The following CMSS1 variants were observed in gnomAD, a reference collection of about 807,000 sequenced individuals.
CMSS1 encodes the protein cms1 ribosomal small subunit homolog, also known as protein CMSS1.
CMSS1 carries 33 observed loss-of-function variants against 43.5 expected under a neutral mutation model. The ratio of observed to expected loss-of-function variants is 0.76; its 90% CI spans 0.57 to 1.01. CMSS1 has a LOEUF of 1.01. Among genes scored for constraint, CMSS1 ranks in the 50% least tolerant of loss-of-function variants. The probability of loss-of-function intolerance (pLI) is 0.00; values close to 1 mark genes in which losing one functional copy is unlikely to be tolerated. For missense variants in CMSS1, 313 were observed against 326.4 expected, an observed-to-expected ratio of 0.96 and a Z score of 0.32; for synonymous variants, 115 against 117.2, an observed-to-expected ratio of 0.98 and a Z score of 0.12.
At position 99,938,698 on chromosome 3, in the gene CMSS1, T is replaced by C. The variant is rs148256713; in HGVS notation, c.64+120655T>C. Among the ~76,000 whole-genome samples the C allele has an allele frequency of 3.7e-3, 560 of 152,306 alleles. 1 individual carries two copies. The highest frequency in any genetic ancestry group is 0.013 in the African/African-American group (532 of 41,546). The stretch of plus-strand genomic sequence containing the variant: ...GGCCCCTTTAATATTAACTGACTTA[T>C]GGTAAATGTGATTCATCTATGAAAA... On this transcript the variant is annotated intron_variant, in intron 1 of 9. Transcript: ENST00000421999.
intron 1 of CMSS1, among the ~76,000 whole-genome samples, chr3:99,969,024 A>G (rs1300857618): frequency 6.6e-6 from 1 of 152,298 alleles, no homozygotes; most frequent in East Asian, 1.9e-4. Context: ...TAGAGGAAAG[A>G]GTAAATAGGC....
intron 1 of CMSS1, among the ~76,000 whole-genome samples, chr3:100,006,388 C>G (rs1709986140): frequency 6.6e-6 from 1 of 152,118 alleles, no homozygotes. Flanking sequence ...TTGCCAACAG[C>G]CTTTTTTCCT....
At chr3:99,905,940 C>T (rs949001235) in intron 1 of CMSS1, among the ~76,000 whole-genome samples, 1 of 152,140 alleles carries the variant, frequency 6.6e-6, no homozygotes, top group African/African-American at 2.4e-5. Context: ...TGCTTGTAGT[C>T]CCAGCAGTTT....
intron 1 of CMSS1, among the ~76,000 whole-genome samples, chr3:100,095,924 GA>G (rs1329165893): frequency 1.3e-5 from 2 of 151,758 alleles, no homozygotes; most frequent in South Asian, 2.1e-4. Flanking sequence ...AACTACATAA[GA>G]AAAAAATGAA....
At chr3:100,077,128 A>G (rs1186006249) in intron 1 of CMSS1, among the ~76,000 whole-genome samples, 1 of 152,214 alleles carries the variant, frequency 6.6e-6, no homozygotes, top group Admixed American at 6.5e-5. Context: ...GTCCTTTGAA[A>G]GAAGAGTGGA....
chr3:99,928,005 T>C (rs1559691480), intron 1 of CMSS1, among the ~76,000 whole-genome samples: 1 of 152,304 alleles, frequency 6.6e-6, no homozygotes, highest in East Asian at 1.9e-4. Context: ...ATGATTGAGA[T>C]TTTTTAGGTT....
intron 1 of CMSS1, among the ~76,000 whole-genome samples, chr3:100,117,825 G>GTATATATATATATA (rs1166983737): frequency 1.3e-5 from 1 of 75,140 alleles, no homozygotes; most frequent in African/African-American, 6.2e-5. Flanking sequence ...ATAAACTGCA[G>GTATATATATATATA]TATATATATA....
intron 9 of CMSS1, 32 bp from the exon 10 acceptor site, chr3:100,178,273 A>T (rs2067164276): frequency 7.0e-7 from 1 of 1,437,894 alleles, no homozygotes; most frequent in South Asian, 1.2e-5. Context: ...GCTTGATCTT[A>T]ATCTTTTTTT....
rs540620586 is a variant in CMSS1, at chr3:99,907,816, C to A, written c.64+89773C>A. Reference sequence around the variant, plus strand: ...ATGCTATCTGGATCCATTAGGAGATCAAGCCATTCCTGATCCCCTAATCAG... The same window carrying A: ...ATGCTATCTGGATCCATTAGGAGATAAAGCCATTCCTGATCCCCTAATCAG... On this transcript the variant is annotated intron_variant, in intron 1 of 9. Transcript: ENST00000421999. Among the ~76,000 whole-genome samples, 3 of 152,308 alleles carry A rather than the reference C, an allele frequency of 2.0e-5. No homozygotes were observed. In the East Asian group the frequency reaches 5.8e-4, roughly 29 times the overall value.
chr3:100,050,126 G>A (rs889707194), intron 1 of CMSS1, among the ~76,000 whole-genome samples: 3 of 152,092 alleles, frequency 2.0e-5, no homozygotes, highest in Non-Finnish European at 4.4e-5. Context: ...GGCATCATGG[G>A]GTAGTGTTCG....
chr3:100,108,156 A>G (rs1480810921), intron 1 of CMSS1, among the ~76,000 whole-genome samples: 1 of 152,174 alleles, frequency 6.6e-6, no homozygotes, highest in Non-Finnish European at 1.5e-5. Context: ...TGACATTTCT[A>G]GCCCATGGCT....
intron 1 of CMSS1, among the ~76,000 whole-genome samples, chr3:100,128,892 T>C (rs1453896278): frequency 1.3e-5 from 2 of 152,246 alleles, no homozygotes; most frequent in Non-Finnish European, 2.9e-5. Context: ...CGTTTATCCG[T>C]TCTCTCTTGT....
intron 1 of CMSS1, among the ~76,000 whole-genome samples, chr3:99,841,323 A>T (rs1345675006): frequency 6.6e-6 from 1 of 152,242 alleles, no homozygotes; most frequent in African/African-American, 2.4e-5. Flanking sequence ...TTTCAGATAA[A>T]CTGGAGCTTT....
chr3:99,863,148 A>G (rs1944343781), intron 1 of CMSS1, among the ~76,000 whole-genome samples: 1 of 152,120 alleles, frequency 6.6e-6, no homozygotes, highest in East Asian at 1.9e-4. Context: ...TGGTTTTGGG[A>G]TGAAACTGTC....
At chr3:99,973,604 A>C (rs376404602) in intron 1 of CMSS1, among the ~76,000 whole-genome samples, 6 of 152,216 alleles carry the variant, frequency 3.9e-5, no homozygotes, top group East Asian at 1.9e-4. Flanking sequence ...ATCTTATAGA[A>C]TTTATACTCA....
At position 99,839,423 on chromosome 3, in the gene CMSS1, A is replaced by G. The variant is rs142870781; in HGVS notation, c.64+21380A>G. On this transcript the variant is annotated intron_variant, in intron 1 of 9. Transcript: ENST00000421999. ...GCCTGTATCCTAATAGAAGACATTC[A>G]TGCCTGTGGTGGTTATAAGCTAATA... 6.9e-3 allele frequency among the ~76,000 whole-genome samples: 1,044 copies of G among 152,340 alleles called. 3 individuals carry two copies. Among genetic ancestry groups the G allele is most frequent in the African/African-American group, 8.9e-3 (372 of 41,580 alleles).
At chr3:99,870,060 G>A (rs1944713866) in intron 1 of CMSS1, among the ~76,000 whole-genome samples, 1 of 152,170 alleles carries the variant, frequency 6.6e-6, no homozygotes, top group South Asian at 2.1e-4. Context: ...GATATAATCA[G>A]TAGCTTTTAT....
intron 1 of CMSS1, among the ~76,000 whole-genome samples, chr3:99,846,821 A>T (rs1203637464): frequency 1.3e-5 from 2 of 152,334 alleles, no homozygotes; most frequent in East Asian, 3.9e-4. Context: ...TGTATTTAAA[A>T]TCAATAACTG....
intron 1 of CMSS1, among the ~76,000 whole-genome samples, chr3:99,971,560 C>T (rs942973787): frequency 6.6e-6 from 1 of 152,202 alleles, no homozygotes; most frequent in Non-Finnish European, 1.5e-5. Context: ...CTCTAAGCCT[C>T]ACTTCCAAAA....
Sources: gnomAD v4.1 joint callset for allele counts (sites outside exome capture counted in the v4.1 genomes callset) on GRCh38, gnomAD v4.1.1 for gene constraint, MANE v1.5 for transcripts, NCBI Gene and HGNC (gene_info 2026-07-23, HGNC 2026-07-21) for gene names.